TRAPPC8: variants seen among roughly 807,000 people sequenced by gnomAD.
TRAPPC8 encodes the protein trafficking protein particle complex subunit 8.
TRAPPC8 carries 54 observed loss-of-function variants against 174.3 expected under a neutral mutation model. The ratio of observed to expected loss-of-function variants is 0.31; its 90% CI spans 0.25 to 0.39. The LOEUF (loss-of-function observed/expected upper bound fraction) is 0.39. TRAPPC8 is among the 10% of genes least tolerant of loss of function. The probability of loss-of-function intolerance (pLI) is 1.00; values close to 1 mark genes in which losing one functional copy is unlikely to be tolerated. For missense variants in TRAPPC8, 1,531 were observed against 1,699.1 expected (o/e 0.90, Z 1.74); for synonymous variants, 630 against 579.9 (o/e 1.09, Z -1.24).
intron 17 of TRAPPC8, 109 bp downstream of exon 17, chr18:31,867,293 G>T (rs1179366833): frequency 2.3e-6 from 2 of 873,982 alleles, no homozygotes; most frequent in Non-Finnish European, 3.6e-6. Flanking sequence ...CCAAATTTTA[G>T]TTCTTAAGAA....
Position 31,931,428 on chromosome 18 carries a change from T to C in TRAPPC8, c.253A>G (p.Ile85Val). The change falls in exon 2 of 29, where the codon ATC becomes GTC. Residue 85 changes from isoleucine (I) to valine (V), a missense_variant. Physicochemically the swap from Ile to Val is conservative, Grantham distance 29 (BLOSUM62 3). Transcript: ENST00000283351. The stretch of plus-strand genomic sequence containing the variant: ...ACAACATCATTCAAAAGCTTCCGGA[T>C]GGCTCCAGGCTGAGGTGGCTGGGTG... Reference protein sequence around the residue: ...IVTQPPQPGAIRKLLNDVVSG... With the variant: ...IVTQPPQPGAVRKLLNDVVSG... The C allele has an allele frequency of 6.2e-7, 1 of 1,606,292 alleles. No individual in the cohort carries two copies. The highest frequency in any genetic ancestry group is 8.5e-7 in the Non-Finnish European group (1 of 1,174,394).
At chr18:31,885,041 T>C (rs1381231926) in intron 12 of TRAPPC8, among the ~76,000 whole-genome samples, 1 of 151,936 alleles carries the variant, frequency 6.6e-6, no homozygotes, top group Non-Finnish European at 1.5e-5. Context: ...GGATTTTTAG[T>C]AGAGACGGGG....
chr18:31,912,202 C>T (rs1304827116), intron 5 of TRAPPC8, among the ~76,000 whole-genome samples: 4 of 151,996 alleles, frequency 2.6e-5, no homozygotes, highest in Non-Finnish European at 4.4e-5. Context: ...TAAAAAGGTA[C>T]GAAAGAGGCT....
rs751769256 is a variant in TRAPPC8 at position 31,874,404 on chromosome 18, G to C, written c.1953+76C>G. The C allele has an allele frequency of 1.3e-5, 18 of 1,390,070 alleles. No homozygotes were observed. In the South Asian group the frequency reaches 2.2e-4, roughly 17 times the overall value. 86.1% of individuals were successfully genotyped at this position (1,390,070 alleles called of 1,614,324 possible). On this transcript the variant is annotated intron_variant, in intron 13 of 28. Transcript: ENST00000283351. ...ATATATTCTAATAAAACTATCGTAA[G>C]ATATGGTAATAAATAAATACTTTCA... is the stretch of plus-strand genomic sequence containing the variant.
At chr18:31,864,520 G>A (rs990852176) in intron 19 of TRAPPC8, 107 bp downstream of exon 19, 21 of 1,043,082 alleles carry the variant, frequency 2.0e-5, no homozygotes, top group Non-Finnish European at 2.6e-5. Context: ...TAATTTAAAA[G>A]TATAGTTCAA....
At chr18:31,832,868 C>T (rs967545442) in intron 27 of TRAPPC8, among the ~76,000 whole-genome samples, 34 of 152,238 alleles carry the variant, frequency 2.2e-4, no homozygotes, top group African/African-American at 7.9e-4. Flanking sequence ...CTACCTTTTA[C>T]TCTATAAACA....
In TRAPPC8 at chr18:31,908,962, G is replaced by A; in HGVS notation, c.914C>T (p.Ser305Phe). ...FRAHPLQLEQ[S>F]SDPSNSIDGP... ...ATCAATACTGTTAGAAGGGTCACTG[G>A]ATTGCTCCAACTGAAGTGGGTGAGC... Residue 305 changes from serine to phenylalanine, a missense_variant, in exon 7 of 29, where the codon TCC becomes TTC. Physicochemically the swap from Ser to Phe is radical, Grantham distance 155 (BLOSUM62 -2). Coordinates refer to ENST00000283351, the MANE Select transcript of TRAPPC8 (RefSeq NM_014939.5). The A allele has an allele frequency of 6.2e-7, 1 of 1,612,838 alleles. No homozygotes were observed. The highest frequency in any genetic ancestry group is 8.5e-7 in the Non-Finnish European group (1 of 1,179,302).
intron 19 of TRAPPC8, among the ~76,000 whole-genome samples, chr18:31,859,890 C>A (rs1305174099): frequency 6.6e-6 from 1 of 151,986 alleles, no homozygotes; most frequent in Non-Finnish European, 1.5e-5. Context: ...GTGGTGCGCA[C>A]CTGTAATCCC....
At chr18:31,853,983 A>G (rs1177715883) in intron 21 of TRAPPC8, 38 bp from the exon 22 acceptor site, 50 of 1,480,248 alleles carry the variant, frequency 3.4e-5, no homozygotes, top group Non-Finnish European at 4.5e-5. Flanking sequence ...CAGGATTTAG[A>G]AGCACTAAAT....
chr18:31,852,919 AC>A (rs2033790161), intron 22 of TRAPPC8: 1 of 395,662 alleles, frequency 2.5e-6, no homozygotes, highest in Non-Finnish European at 4.6e-6. Context: ...TTTCAGATAA[AC>A]AGTAAGTTTG....
At chr18:31,924,619 T>C (rs973867929) in intron 2 of TRAPPC8, among the ~76,000 whole-genome samples, 1 of 150,138 alleles carries the variant, frequency 6.7e-6, no homozygotes, top group Non-Finnish European at 1.5e-5. Context: ...CTAATAATAC[T>C]AATTTTTTTA....
intron 19 of TRAPPC8, among the ~76,000 whole-genome samples, chr18:31,859,029 G>A (rs2034184642): frequency 6.6e-6 from 1 of 152,128 alleles, no homozygotes; most frequent in Non-Finnish European, 1.5e-5. Context: ...GGAAGCAGAG[G>A]TTGCAGTGAG....
intron 1 of TRAPPC8, among the ~76,000 whole-genome samples, chr18:31,941,253 A>C (rs1379064223): frequency 2.6e-5 from 4 of 152,118 alleles, no homozygotes; most frequent in African/African-American, 4.8e-5. Context: ...GACCAACCTG[A>C]CCAACATGGA....
Position 31,849,672 on chromosome 18 carries a change from G to C in TRAPPC8, c.3629C>G (p.Pro1210Arg). The change falls in exon 25 of 29, where the codon CCA (proline) becomes CGA (arginine). Residue 1210 changes from proline (P) to arginine (R), a missense_variant. Physicochemically the swap from Pro to Arg is moderately radical, Grantham distance 103. Coordinates refer to ENST00000283351, the MANE Select transcript of TRAPPC8 (RefSeq NM_014939.5). ...TGTATGCACAGGCAAGTGAGCTTGT[G>C]GTTTTTTCAATTCAGAAGATAAACT... The part of the protein sequence containing the change: ...YRSLSSELKK[P>R]QAHLPVHTEK... 6.2e-7 allele frequency: 1 copy of C among 1,612,044 alleles called. No individual in the cohort carries two copies. The highest frequency in any genetic ancestry group is 8.5e-7 in the Non-Finnish European group (1 of 1,179,034).
chr18:31,854,797 T>C (rs912574789), intron 21 of TRAPPC8, among the ~76,000 whole-genome samples: 3 of 151,560 alleles, frequency 2.0e-5, no homozygotes, highest in African/African-American at 7.3e-5. Context: ...TGAAACCCTG[T>C]CTCTACTAAA....
intron 11 of TRAPPC8, among the ~76,000 whole-genome samples, chr18:31,893,623 AAT>A (rs1363676917): frequency 4.6e-5 from 7 of 152,280 alleles, no homozygotes; most frequent in African/African-American, 1.4e-4. Flanking sequence ...CCAGCCCATT[AAT>A]ATGTCTATTC....
rs139325696 is a variant in TRAPPC8, at chr18:31,867,862, G to A, written c.2389-386C>T. Reference sequence around the variant, plus strand: ...CCACTGCACTCCAGCCTGGGTGACAGAGCGAGACTCTGTTTCAAAACGGGA... The same window carrying A: ...CCACTGCACTCCAGCCTGGGTGACAAAGCGAGACTCTGTTTCAAAACGGGA... On this transcript the variant is annotated intron_variant, in intron 16 of 28. Coordinates refer to ENST00000283351, the MANE Select transcript of TRAPPC8 (RefSeq NM_014939.5). Among the ~76,000 whole-genome samples the A allele has an allele frequency of 2.5e-3, 375 of 152,214 alleles. 1 individual carries two copies. The highest frequency in any genetic ancestry group is 8.7e-3 in the African/African-American group (362 of 41,544).
In TRAPPC8 at chr18:31,909,698, A is replaced by G. The variant is rs113858944; in HGVS notation, c.834T>C (p.Leu278=). 1 of 1,601,374 alleles carries G rather than the reference A, an allele frequency of 6.2e-7. No individual in the cohort carries two copies. Among genetic ancestry groups the G allele is most frequent in the Non-Finnish European group, 8.5e-7 (1 of 1,176,590 alleles). ...TSNKNSDNNL[L]SLDGLDNEVK... is the part of the protein sequence containing the mutation. Reference sequence around the variant, plus strand: ...CTTCGTTATCTAATCCATCCAATGAAAGCAAGTTATTATCAGAATTCTTAT... The same window carrying G: ...CTTCGTTATCTAATCCATCCAATGAGAGCAAGTTATTATCAGAATTCTTAT... The change falls in exon 6 of 29, where the codon CTT becomes CTC. Residue 278 remains leucine, a synonymous_variant. Coordinates refer to ENST00000283351, the MANE Select transcript of TRAPPC8 (RefSeq NM_014939.5).
Position 31,857,889 on chromosome 18 carries a change from C to A in TRAPPC8, c.2839G>T (p.Gly947Ter). 1 of 1,614,130 alleles carries A rather than the reference C, an allele frequency of 6.2e-7. No individual in the cohort carries two copies. Among genetic ancestry groups the A allele is most frequent in the Non-Finnish European group, 8.5e-7 (1 of 1,180,018 alleles). The change falls in exon 20 of 29, where the codon GGA (glycine) becomes TGA (stop). Residue 947 changes from glycine to a stop codon, truncating the protein, a stop_gained. Coordinates refer to ENST00000283351, the MANE Select transcript of TRAPPC8 (RefSeq NM_014939.5). LOFTEE classifies it high-confidence loss of function. ...FVNVSKCPLT[G>*]LKVVSKRPEF... Reference sequence around the variant, plus strand: ...GGACGTTTAGAAACAACCTTCAATCCAGTAAGTGGACATTTGCTGACATTG... The same window carrying A: ...GGACGTTTAGAAACAACCTTCAATCAAGTAAGTGGACATTTGCTGACATTG...
Sources: gnomAD v4.1 joint callset for allele counts (sites outside exome capture counted in the v4.1 genomes callset) on GRCh38, gnomAD v4.1.1 for gene constraint, MANE v1.5 for transcripts, NCBI Gene and HGNC (gene_info 2026-07-23, HGNC 2026-07-21) for gene names.